ATP6V1B1: variants seen among roughly 807,000 people sequenced by gnomAD.
ATP6V1B1 encodes the protein V-type proton ATPase subunit B, kidney isoform.
Under a neutral mutation model 62.1 loss-of-function variants are expected in ATP6V1B1, and 41 were observed. The ratio of observed to expected loss-of-function variants is 0.66; its 90% CI spans 0.51 to 0.86. ATP6V1B1 has a LOEUF of 0.86. Among genes scored for constraint, ATP6V1B1 ranks in the 40% least tolerant of loss-of-function variants. The pLI, the probability that ATP6V1B1 is intolerant of heterozygous loss-of-function variation, is 0.00. For missense variants in ATP6V1B1, 651 were observed against 697.5 expected, an observed-to-expected ratio of 0.93 and a Z score of 0.75; for synonymous variants, 253 against 273.4, an observed-to-expected ratio of 0.93 and a Z score of 0.74.
At chr2:70,938,456 CCTAAGGG>C (rs2104798066) in intron 1 of ATP6V1B1, 1 of 729,802 alleles carries the variant, frequency 1.4e-6, no homozygotes, top group Non-Finnish European at 1.7e-6. Flanking sequence ...GCTGGGGGTG[CCTAAGGG>C]CAGGGAGGCC....
intron 2 of ATP6V1B1, 81 bp from the exon 3 acceptor site, chr2:70,957,965 C>A: frequency 3.1e-6 from 4 of 1,291,244 alleles, no homozygotes; most frequent in Non-Finnish European, 4.4e-6. Context: ...CAGTTTGGGA[C>A]TGGGTCAGGG....
At chr2:70,950,932 A>ATTTTTTTTTTTTTTT (rs55871344) in intron 2 of ATP6V1B1, among the ~76,000 whole-genome samples, 3 of 64,604 alleles carry the variant, frequency 4.6e-5, no homozygotes, top group African/African-American at 1.9e-4. Flanking sequence ...TTTTTTCCTG[A>ATTTTTTTTTTTTTTT]TTTTTTTTTT....
At chr2:70,947,072 C>G (rs1680195802) in intron 2 of ATP6V1B1, among the ~76,000 whole-genome samples, 1 of 152,162 alleles carries the variant, frequency 6.6e-6, no homozygotes, top group South Asian at 2.1e-4. Context: ...ATTACTCTTC[C>G]TGCTTCCGTC....
rs376595811 is a variant in ATP6V1B1, at chr2:70,938,907, C to T, written c.118+2835C>T. On this transcript the variant is annotated intron_variant, in intron 1 of 13. Transcript: ENST00000234396. ...TCCCCCAGGAGCTTGAGTGCCAAACCACTGTCTTTGCCTCCCCACCTCGGT... is the reference window on the plus strand; with the variant it reads ...TCCCCCAGGAGCTTGAGTGCCAAACTACTGTCTTTGCCTCCCCACCTCGGT... 199 of 605,408 alleles carry T rather than the reference C, an allele frequency of 3.3e-4. 1 individual carries two copies. In the African/African-American group the frequency reaches 3.8e-3, roughly 12 times the overall value. The allele number at this position is 605,408 out of a possible 1,614,324, so 37.5% of individuals were successfully genotyped here.
rs1680384426 is a variant in ATP6V1B1 at position 70,954,228 on chromosome 2, T to C, written c.175-3818T>C. Among the ~76,000 whole-genome samples, 5 of 152,354 alleles carry C rather than the reference T, an allele frequency of 3.3e-5. No individual in the cohort carries two copies. In the South Asian group the frequency reaches 1.0e-3, roughly 32 times the overall value. ...TTTAGCTTCTTCAACATTTTTCTTA[T>C]CTAATATAATCATTTAAAGCTTTGA... On this transcript the variant is annotated intron_variant, in intron 2 of 13. Transcript: ENST00000234396.
At chr2:70,954,900 A>G (rs1249475151) in intron 2 of ATP6V1B1, among the ~76,000 whole-genome samples, 1 of 152,220 alleles carries the variant, frequency 6.6e-6, no homozygotes, top group Non-Finnish European at 1.5e-5. Flanking sequence ...TTTTCCGGGA[A>G]GAAGGTGCAG....
chr2:70,942,704 G>A (rs574544666), intron 1 of ATP6V1B1, among the ~76,000 whole-genome samples: 2 of 152,218 alleles, frequency 1.3e-5, no homozygotes, highest in East Asian at 3.9e-4. Flanking sequence ...CTGTGAAAGA[G>A]GGGTTGGGCC....
intron 2 of ATP6V1B1, chr2:70,944,311 A>G (rs1336659524): frequency 9.7e-7 from 1 of 1,033,212 alleles, no homozygotes. Flanking sequence ...CACTGACAGT[A>G]TCTTGAGTCC....
rs59512457 is a variant in ATP6V1B1, at chr2:70,952,991, T to G, written c.175-5055T>G. 4.4e-4 allele frequency among the ~76,000 whole-genome samples: 67 copies of G among 152,286 alleles called. 1 individual carries two copies. The highest frequency in any genetic ancestry group is 1.6e-3 in the African/African-American group (66 of 41,528). On this transcript the variant is annotated intron_variant, in intron 2 of 13. Coordinates refer to ENST00000234396, the MANE Select transcript of ATP6V1B1 (RefSeq NM_001692.4). ...GTTTGTTTGTTTGTTTGTTTTTTGTTGAGACAGGGTCCCTCTCTGTCACCC... is the reference window on the plus strand; with the variant it reads ...GTTTGTTTGTTTGTTTGTTTTTTGTGGAGACAGGGTCCCTCTCTGTCACCC...
chr2:70,963,985 A>G lies in ATP6V1B1; in HGVS notation c.1143+331A>G. ...TATAGAAAGCATCTGGCAGATAGTC[A>G]ATACTATTTGCCTTCCCTTTCCAGT... is the stretch of plus-strand genomic sequence containing the variant. On this transcript the variant is annotated intron_variant, in intron 11 of 13. Transcript: ENST00000234396. The surrounding 1 kb of genome is among the most constrained non-coding windows in gnomAD (Gnocchi z 4.3). 2.1e-6 allele frequency: 1 copy of G among 473,702 alleles called. No individual in the cohort carries two copies. Among genetic ancestry groups the G allele is most frequent in the South Asian group, 2.1e-5 (1 of 47,434 alleles). 29.3% of individuals were successfully genotyped at this position (473,702 alleles called of 1,614,324 possible). A position where few individuals can be genotyped will look rare whatever the true frequency, so the allele number is the denominator to read the frequency against.
intron 6 of ATP6V1B1, 51 bp downstream of exon 6, chr2:70,960,129 G>A: frequency 1.2e-6 from 2 of 1,608,904 alleles, no homozygotes; most frequent in East Asian, 2.2e-5. Flanking sequence ...CAGAGCAGAG[G>A]CTGGGGCTGC....
rs1348641571 is a variant in ATP6V1B1 at position 70,965,175 on chromosome 2, G to T, written c.*54G>T. The T allele has an allele frequency of 6.2e-5, 99 of 1,593,868 alleles. No individual in the cohort carries two copies. The highest frequency in any genetic ancestry group is 8.2e-5 in the Non-Finnish European group (96 of 1,177,066). On this transcript the variant is annotated 3_prime_UTR_variant, in exon 14 of 14. Transcript: ENST00000234396. Reference sequence around the variant, plus strand: ...GCAGGGAACCTACCCTCGGCTCCCGGGTCTCCCCTCCCTCGCCACCCCAAC... The same window carrying T: ...GCAGGGAACCTACCCTCGGCTCCCGTGTCTCCCCTCCCTCGCCACCCCAAC...
chr2:70,958,978 C>A, intron 4 of ATP6V1B1, 40 bp from the exon 5 acceptor site: 1 of 1,597,454 alleles, frequency 6.3e-7, no homozygotes, highest in Non-Finnish European at 8.6e-7. Flanking sequence ...GGACACAGGG[C>A]TAGCCTGAGC....
intron 3 of ATP6V1B1, 34 bp from the exon 4 acceptor site, chr2:70,958,299 C>A: frequency 6.2e-7 from 1 of 1,610,568 alleles, no homozygotes; most frequent in Non-Finnish European, 8.5e-7. Flanking sequence ...TCCAGCAGGC[C>A]CCTTAGTGGA....
chr2:70,950,968 G>GTT (rs1558674227), intron 2 of ATP6V1B1, among the ~76,000 whole-genome samples: 156 of 117,314 alleles, frequency 1.3e-3, no homozygotes, highest in African/African-American at 2.2e-3. Flanking sequence ...TTGAGACGGA[G>GTT]TTTCACTCTT....
At chr2:70,960,196 C>T (rs1186991189) in intron 6 of ATP6V1B1, 118 bp downstream of exon 6, 4 of 1,457,340 alleles carry the variant, frequency 2.7e-6, no homozygotes, top group Admixed American at 2.0e-5. Flanking sequence ...GGGCTGGGGT[C>T]GCCAGCATCG....
rs1553416796 is a variant in ATP6V1B1, at chr2:70,943,685, G to A, written c.146G>A (p.Gly49Glu). The A allele has an allele frequency of 1.2e-6, 2 of 1,613,734 alleles. No homozygotes were observed. The highest frequency in any genetic ancestry group is 1.3e-5 in the African/African-American group (1 of 74,854). ...VTYRTVCSVN[G>E]PLVVLDRVKF... ...TACAGGACTGTGTGCAGCGTGAACG[G>A]GCCCCTGGTGGTGCTGGACCGGGTC... Residue 49 changes from glycine (G) to glutamate (E), a missense_variant, in exon 2 of 14, where the codon GGG becomes GAG. Transcript: ENST00000234396.
rs1021868280 is a variant in ATP6V1B1, at chr2:70,943,779, C to T, written c.174+66C>T. 9.4e-6 allele frequency: 15 copies of T among 1,588,360 alleles called. No homozygotes were observed. The Admixed American group carries it at 2.3e-4, about 25-fold the overall frequency. ...CCCAGGGCGCCTCTCCCCTGCCCTG[C>T]AGGATTTCTTCTAAATTACCCTTTC... On this transcript the variant is annotated intron_variant, in intron 2 of 13. Coordinates refer to ENST00000234396, the MANE Select transcript of ATP6V1B1 (RefSeq NM_001692.4).
In ATP6V1B1 at chr2:70,964,968, G is replaced by A. The variant is rs2104834674; in HGVS notation, c.1389G>A (p.Glu463=). 1 of 1,613,972 alleles carries A rather than the reference G, an allele frequency of 6.2e-7. No individual in the cohort carries two copies. The highest frequency in any genetic ancestry group is 8.5e-7 in the Non-Finnish European group (1 of 1,180,032). ...EKNFINQGPY[E]NRSVFESLDL... is the part of the protein sequence containing the mutation. ...CCGCTCTGTCCCTAGGCCCCTACGAGAACCGCTCGGTGTTCGAGTCGCTGG... is the reference window on the plus strand; with the variant it reads ...CCGCTCTGTCCCTAGGCCCCTACGAAAACCGCTCGGTGTTCGAGTCGCTGG... Residue 463 remains glutamate, a synonymous_variant, in exon 14 of 14, where the codon GAG becomes GAA. Transcript: ENST00000234396.
Sources: gnomAD v4.1 joint callset for allele counts (sites outside exome capture counted in the v4.1 genomes callset) on GRCh38, gnomAD v4.1.1 for gene constraint, Gnocchi (gnomAD v3.1) non-coding constraint, MANE v1.5 for transcripts, NCBI Gene and HGNC (gene_info 2026-07-23, HGNC 2026-07-21) for gene names.